CSMD3: variants seen among roughly 807,000 people sequenced by gnomAD.
The protein encoded by CSMD3 is CUB and Sushi multiple domains 3.
In CSMD3, 177 loss-of-function variants were observed where a neutral mutation model predicts 435.2. The ratio of observed to expected loss-of-function variants is 0.41; its 90% CI spans 0.36 to 0.46. The LOEUF is 0.46. CSMD3 is among the 20% of genes least tolerant of loss of function. The pLI, the probability that CSMD3 is intolerant of heterozygous loss-of-function variation, is 0.34. For missense variants in CSMD3, 4,265 were observed against 4,504.6 expected (o/e 0.95, Z 1.52); for synonymous variants, 1,656 against 1,520.5 (o/e 1.09, Z -2.07).
chr8:112,240,472 A>T (rs62514381), intron 66 of CSMD3, among the ~76,000 whole-genome samples: 26,658 of 151,952 alleles, frequency 0.18, 2,886 homozygotes, highest in Middle Eastern at 0.33. Context: ...GTTTTCGACA[A>T]GTGTTGAATG....
chr8:112,940,396 T>G (rs1219823046), intron 9 of CSMD3, among the ~76,000 whole-genome samples: 1 of 151,810 alleles, frequency 6.6e-6, no homozygotes, highest in African/African-American at 2.4e-5. Flanking sequence ...TTTTCCTTTA[T>G]ATCTTCCTAT....
intron 6 of CSMD3, among the ~76,000 whole-genome samples, chr8:112,986,622 C>T (rs1021366064): frequency 4.6e-5 from 7 of 151,946 alleles, no homozygotes; most frequent in Non-Finnish European, 8.8e-5. Flanking sequence ...ATGTTCTATA[C>T]TTGAGGAAAA....
At chr8:112,326,755 C>T (rs1456384044) in intron 45 of CSMD3, among the ~76,000 whole-genome samples, 2 of 152,170 alleles carry the variant, frequency 1.3e-5, no homozygotes, top group Admixed American at 6.5e-5. Context: ...GTAGCTCATG[C>T]CTGCAATCCC....
At chr8:112,892,534 T>A (rs555153230) in intron 10 of CSMD3, among the ~76,000 whole-genome samples, 1 of 151,654 alleles carries the variant, frequency 6.6e-6, no homozygotes, top group East Asian at 2.0e-4. Flanking sequence ...ATACAGGTAG[T>A]TTTTTAAAAG....
intron 2 of CSMD3, among the ~76,000 whole-genome samples, chr8:113,286,878 G>C (rs1192470845): frequency 6.6e-6 from 1 of 151,808 alleles, no homozygotes; most frequent in African/African-American, 2.4e-5. Flanking sequence ...TAAGAGGTAA[G>C]AGAGAAAGGG....
chr8:112,460,853 T>C (rs1302207406), intron 32 of CSMD3, among the ~76,000 whole-genome samples: 1 of 152,134 alleles, frequency 6.6e-6, no homozygotes, highest in Non-Finnish European at 1.5e-5. Flanking sequence ...GTTGAAATGT[T>C]AAGGGTTTAT....
chr8:112,503,775 A>G lies in CSMD3; in HGVS notation c.5083+15T>C. On this transcript the variant is annotated intron_variant, in intron 30 of 70. Transcript: ENST00000297405. ...AATTTAAATCATGATACTAACATGG[A>G]ATGTTCATATTTACCTTTGTATTCT... The G allele has an allele frequency of 6.4e-7, 1 of 1,566,984 alleles. No individual in the cohort carries two copies.
intron 22 of CSMD3, among the ~76,000 whole-genome samples, chr8:112,591,857 C>T (rs768606805): frequency 3.3e-5 from 5 of 151,736 alleles, no homozygotes; most frequent in Non-Finnish European, 7.4e-5. Flanking sequence ...GCTATTTTAG[C>T]CCATTATGTT....
intron 6 of CSMD3, among the ~76,000 whole-genome samples, chr8:112,989,645 G>A (rs1375335892): frequency 6.6e-6 from 1 of 151,982 alleles, no homozygotes; most frequent in African/African-American, 2.4e-5. Flanking sequence ...GGTAGAGTAG[G>A]TGTGACCCTA....
chr8:112,576,402 G>A (rs918850618), intron 23 of CSMD3, among the ~76,000 whole-genome samples: 16 of 151,830 alleles, frequency 1.1e-4, no homozygotes, highest in African/African-American at 2.2e-4. Context: ...GTTAGGTGCT[G>A]TAACTAAAAT....
intron 5 of CSMD3, among the ~76,000 whole-genome samples, chr8:113,060,919 A>G (rs1034511): frequency 0.59 from 89,647 of 152,118 alleles, 28,416 homozygotes; most frequent in East Asian, 0.95. Flanking sequence ...GCCAACACCA[A>G]TAATACCCTT....
intron 13 of CSMD3, among the ~76,000 whole-genome samples, chr8:112,792,552 G>T (rs1296296002): frequency 6.6e-6 from 1 of 151,998 alleles, no homozygotes; most frequent in Non-Finnish European, 1.5e-5. Flanking sequence ...ATATAAATTT[G>T]GGAGGAATAT....
intron 6 of CSMD3, among the ~76,000 whole-genome samples, chr8:113,006,923 G>C (rs932104701): frequency 3.3e-5 from 5 of 151,936 alleles, no homozygotes; most frequent in African/African-American, 1.2e-4. Flanking sequence ...TAGCTTAAAT[G>C]TCAGGACCAG....
chr8:112,524,865 A>T (rs567379660), intron 27 of CSMD3, among the ~76,000 whole-genome samples: 5 of 152,144 alleles, frequency 3.3e-5, no homozygotes, highest in Non-Finnish European at 5.9e-5. Context: ...GTGCAAAATA[A>T]TCATTTCTGT....
At chr8:112,715,967 C>G (rs973246566) in intron 13 of CSMD3, among the ~76,000 whole-genome samples, 2 of 152,180 alleles carry the variant, frequency 1.3e-5, no homozygotes, top group African/African-American at 2.4e-5. Flanking sequence ...CAGCCAATAT[C>G]ACACTGAGTG....
intron 36 of CSMD3, among the ~76,000 whole-genome samples, chr8:112,389,449 T>C (rs962172868): frequency 3.3e-5 from 5 of 152,268 alleles, no homozygotes; most frequent in South Asian, 2.1e-4. Flanking sequence ...ATTTGACAAA[T>C]TGTCTATAAA....
chr8:113,097,281 GT>G (rs1037741817), intron 5 of CSMD3, among the ~76,000 whole-genome samples: 1 of 151,980 alleles, frequency 6.6e-6, no homozygotes, highest in Non-Finnish European at 1.5e-5. Flanking sequence ...AATTCCATTT[GT>G]TTAATGTTTA....
intron 2 of CSMD3, among the ~76,000 whole-genome samples, chr8:113,302,294 A>G (rs1427227094): frequency 6.8e-5 from 1 of 14,640 alleles, no homozygotes; most frequent in Non-Finnish European, 9.3e-5. Context: ...TATATAATAT[A>G]ATATAATATA....
intron 10 of CSMD3, among the ~76,000 whole-genome samples, chr8:112,877,597 C>A (rs897998310): frequency 6.6e-6 from 1 of 152,038 alleles, no homozygotes; most frequent in Non-Finnish European, 1.5e-5. Context: ...AAAAAAGAGT[C>A]CATATAGCCA....
Sources: gnomAD v4.1 joint callset for allele counts (sites outside exome capture counted in the v4.1 genomes callset) on GRCh38, gnomAD v4.1.1 for gene constraint, MANE v1.5 for transcripts, NCBI Gene and HGNC (gene_info 2026-07-23, HGNC 2026-07-21) for gene names.